SOS1: variants seen among roughly 807,000 people sequenced by gnomAD.
The protein encoded by SOS1 is SOS Ras/Rac guanine nucleotide exchange factor 1, also known as son of sevenless homolog 1.
A neutral mutation model predicts 157.6 loss-of-function variants in SOS1; 25 were observed. That is an observed-to-expected ratio of 0.16 (90% CI 0.12 to 0.22). The LOEUF (loss-of-function observed/expected upper bound fraction) is 0.22, where lower values mean the gene tolerates loss of function less well. Ranked by LOEUF, SOS1 falls within the 10% of genes least tolerant of loss-of-function variation. The pLI is 1.00. For missense variants in SOS1, 1,237 were observed against 1,599.1 expected, an observed-to-expected ratio of 0.77 and a Z score of 3.86; for synonymous variants, 528 against 534.0, an observed-to-expected ratio of 0.99 and a Z score of 0.16.
chr2:39,026,127 C>T (rs528380511), intron 8 of SOS1, among the ~76,000 whole-genome samples: 6 of 152,110 alleles, frequency 3.9e-5, no homozygotes, highest in East Asian at 1.9e-4. Context: ...GAGGCTGAGG[C>T]GGGGGGATCA....
At position 38,986,062 on chromosome 2, in the gene SOS1, G is replaced by C. The variant is rs1376446157; in HGVS notation, c.3764C>G (p.Pro1255Arg). Reference sequence around the variant, plus strand: ...TGTTTGAGGAGGAGGTGGTGTAAAGGGGGAAGGGCTGTTTGGGAAGAAGGC... The same window carrying C: ...TGTTTGAGGAGGAGGTGGTGTAAAGCGGGAAGGGCTGTTTGGGAAGAAGGC... ...GNAFFPNSPS[P>R]FTPPPPQTPS... The change falls in exon 23 of 23, where the codon CCC (proline) becomes CGC (arginine). Residue 1255 changes from proline (P) to arginine (R), a missense_variant. By Grantham distance (103) the Pro-to-Arg change is moderately radical. This residue lies in a region of SOS1 where 306 missense variants were observed against 322.6 expected (regional missense o/e 0.95). Coordinates refer to ENST00000402219, the MANE Select transcript of SOS1 (RefSeq NM_005633.4). The C allele has an allele frequency of 2.5e-6, 4 of 1,613,972 alleles. No homozygotes were observed. Among genetic ancestry groups the C allele is most frequent in the Non-Finnish European group, 2.5e-6 (3 of 1,179,938 alleles).
intron 8 of SOS1, among the ~76,000 whole-genome samples, chr2:39,026,632 T>G (rs895000099): frequency 6.6e-5 from 10 of 152,298 alleles, no homozygotes; most frequent in Non-Finnish European, 1.5e-4. Flanking sequence ...CAAAGTACCT[T>G]CCATCCCTAT....
intron 8 of SOS1, among the ~76,000 whole-genome samples, chr2:39,024,655 T>C (rs912877665): frequency 6.6e-6 from 1 of 152,146 alleles, no homozygotes; most frequent in African/African-American, 2.4e-5. Context: ...CTGTGTGACC[T>C]TGGGGCAAGT....
At chr2:39,083,169 T>C (rs1672266346) in intron 1 of SOS1, among the ~76,000 whole-genome samples, 1 of 152,152 alleles carries the variant, frequency 6.6e-6, no homozygotes, top group African/African-American at 2.4e-5. Context: ...CTGATTTAGT[T>C]GGGTATGACA....
At chr2:39,124,087 G>C (rs555885109), upstream of SOS1, 4 of 152,356 alleles carry the variant, frequency 2.6e-5, no homozygotes, top group Non-Finnish European at 5.9e-5. Flanking sequence ...TCGCAGCGGG[G>C]AGACCTACAG....
chr2:39,112,087 A>G (rs1259987117), intron 1 of SOS1, among the ~76,000 whole-genome samples: 1 of 152,114 alleles, frequency 6.6e-6, no homozygotes, highest in African/African-American at 2.4e-5. Context: ...ACTCACCAAG[A>G]TTTTGAATCC....
intron 1 of SOS1, among the ~76,000 whole-genome samples, chr2:39,094,484 A>T (rs1456363242): frequency 6.6e-6 from 1 of 151,880 alleles, no homozygotes; most frequent in East Asian, 1.9e-4. Context: ...CGTCTCTACT[A>T]AATATACAAA....
At chr2:39,094,673 A>G (rs1171700704) in intron 1 of SOS1, among the ~76,000 whole-genome samples, 1 of 151,906 alleles carries the variant, frequency 6.6e-6, no homozygotes, top group Non-Finnish European at 1.5e-5. Context: ...ATAAATAAAT[A>G]AATAAATAAA....
At chr2:39,116,270 C>A (rs1271027527) in intron 1 of SOS1, among the ~76,000 whole-genome samples, 12 of 152,204 alleles carry the variant, frequency 7.9e-5, no homozygotes, top group Admixed American at 7.9e-4. Context: ...ATTCTCTATC[C>A]TGACTAAAGA....
At chr2:39,096,785 C>T (rs954188091) in intron 1 of SOS1, among the ~76,000 whole-genome samples, 2 of 151,754 alleles carry the variant, frequency 1.3e-5, no homozygotes, top group Non-Finnish European at 2.9e-5. Context: ...ACTCGGGAGG[C>T]TGAGACAGGA....
chr2:39,081,840 T>A (rs1171803083), intron 1 of SOS1, among the ~76,000 whole-genome samples: 2 of 152,148 alleles, frequency 1.3e-5, no homozygotes, highest in Non-Finnish European at 2.9e-5. Flanking sequence ...TGTTCATAGT[T>A]ATTAAATTAA....
At chr2:39,062,481 T>G (rs1174251968) in intron 2 of SOS1, among the ~76,000 whole-genome samples, 1 of 147,622 alleles carries the variant, frequency 6.8e-6, no homozygotes, top group Non-Finnish European at 1.5e-5. Context: ...ATAAGGATTC[T>G]TTAGGATTCC....
At chr2:39,112,119 C>T (rs910057384) in intron 1 of SOS1, among the ~76,000 whole-genome samples, 16 of 152,098 alleles carry the variant, frequency 1.1e-4, no homozygotes, top group Non-Finnish European at 1.8e-4. Context: ...ATTTTTCTTC[C>T]AATCCATTAT....
At chr2:39,089,485 T>C (rs1195572793) in intron 1 of SOS1, among the ~76,000 whole-genome samples, 42 of 143,078 alleles carry the variant, frequency 2.9e-4, no homozygotes, top group Admixed American at 5.1e-4. Flanking sequence ...TGAGCCATTG[T>C]GCCATGGCAC....
chr2:39,047,460 C>T (rs1157136176), intron 6 of SOS1, among the ~76,000 whole-genome samples: 1 of 152,132 alleles, frequency 6.6e-6, no homozygotes, highest in Non-Finnish European at 1.5e-5. Flanking sequence ...AGTGGCTGTA[C>T]CAAATTACAC....
chr2:39,013,454 A>AC lies in SOS1; in HGVS notation c.2167+5dup. 2 of 1,570,594 alleles carry AC rather than the reference A, an allele frequency of 1.3e-6. No homozygotes were observed. The highest frequency in any genetic ancestry group is 2.7e-5 in the African/African-American group (2 of 74,070). ...TAAAACTAGGCACCTAAAAAAAAAAACATACCTCTTACTGTTCCAATAAAT... is the reference window on the plus strand; with the variant it reads ...TAAAACTAGGCACCTAAAAAAAAAAACCATACCTCTTACTGTTCCAATAAAT... On this transcript the variant is annotated splice_donor_region_variant and intron_variant, in intron 13 of 22. Coordinates refer to ENST00000402219, the MANE Select transcript of SOS1 (RefSeq NM_005633.4).
intron 17 of SOS1, among the ~76,000 whole-genome samples, chr2:39,002,798 C>G (rs1669147544): frequency 6.6e-6 from 1 of 152,154 alleles, no homozygotes. Context: ...GGTACGGTGG[C>G]TCACACCTGT....
chr2:39,053,531 A>G (rs1671095391), intron 5 of SOS1, among the ~76,000 whole-genome samples: 1 of 152,142 alleles, frequency 6.6e-6, no homozygotes, highest in Non-Finnish European at 1.5e-5. Flanking sequence ...TCTTTAATAT[A>G]TTTACAGATT....
chr2:39,053,375 T>A (rs1288548796), intron 5 of SOS1, among the ~76,000 whole-genome samples: 1 of 152,186 alleles, frequency 6.6e-6, no homozygotes, highest in Non-Finnish European at 1.5e-5. Flanking sequence ...GTTGAACACC[T>A]TTTGATGTGC....
Sources: allele counts gnomAD v4.1 joint callset (sites outside exome capture counted in the v4.1 genomes callset), GRCh38; gene constraint gnomAD v4.1.1; regional missense constraint gnomAD v4.1.1; transcripts MANE v1.5; gene names NCBI Gene and HGNC (gene_info 2026-07-23, HGNC 2026-07-21).